TSHZ2: variants seen among roughly 807,000 people sequenced by gnomAD.
The protein encoded by TSHZ2 is teashirt homolog 2.
A neutral mutation model predicts 74.4 loss-of-function variants in TSHZ2; 21 were observed. The ratio of observed to expected loss-of-function variants is 0.28; its 90% CI spans 0.20 to 0.41. The LOEUF (loss-of-function observed/expected upper bound fraction) is 0.41, where lower values mean the gene tolerates loss of function less well. Among genes scored for constraint, TSHZ2 ranks in the 10% least tolerant of loss-of-function variants. The pLI is 1.00. For missense variants in TSHZ2, 1,244 were observed against 1,293.5 expected (o/e 0.96, Z 0.59); for synonymous variants, 540 against 515.3 (o/e 1.05, Z -0.65).
chr20:53,342,909 G>A (rs1385764459), intron 2 of TSHZ2, among the ~76,000 whole-genome samples: 1 of 150,652 alleles, frequency 6.6e-6, no homozygotes, highest in Non-Finnish European at 1.5e-5. Flanking sequence ...CCGTAGGTCT[G>A]GGATGAGGCC....
chr20:53,229,968 G>C (rs1029868450), intron 1 of TSHZ2, among the ~76,000 whole-genome samples: 1 of 146,186 alleles, frequency 6.8e-6, no homozygotes, highest in Non-Finnish European at 1.5e-5. Context: ...GAAAGAAGAA[G>C]GAAGAGAAAG....
intron 1 of TSHZ2, among the ~76,000 whole-genome samples, chr20:53,248,916 A>G (rs1600766240): frequency 6.6e-6 from 1 of 152,200 alleles, no homozygotes; most frequent in African/African-American, 2.4e-5. Context: ...TCAGCTCATT[A>G]CAACCTCCAT....
intron 1 of TSHZ2, among the ~76,000 whole-genome samples, chr20:53,107,224 TATC>T (rs548508956): frequency 4.6e-5 from 7 of 152,204 alleles, no homozygotes; most frequent in Non-Finnish European, 8.8e-5. Flanking sequence ...GCTTCAAGTC[TATC>T]ATCATGGTTG....
chr20:53,049,756 C>T (rs1037206394), intron 1 of TSHZ2, among the ~76,000 whole-genome samples: 3 of 151,714 alleles, frequency 2.0e-5, no homozygotes, highest in Non-Finnish European at 2.9e-5. Flanking sequence ...AGCACAGTGC[C>T]CTAAGGGGAA....
intron 1 of TSHZ2, among the ~76,000 whole-genome samples, chr20:53,024,006 C>T (rs1983343632): frequency 6.6e-6 from 1 of 152,038 alleles, no homozygotes. Context: ...TAAAAACCAG[C>T]TCCAGGCTAC....
At chr20:53,053,502 T>G (rs962636825) in intron 1 of TSHZ2, among the ~76,000 whole-genome samples, 1 of 152,114 alleles carries the variant, frequency 6.6e-6, no homozygotes, top group African/African-American at 2.4e-5. Context: ...CACCATCTTA[T>G]TCCCTCCAAA....
intron 2 of TSHZ2, among the ~76,000 whole-genome samples, chr20:53,292,447 ATTT>A (rs149635565): frequency 0.051 from 7,143 of 141,320 alleles, 257 homozygotes; most frequent in African/African-American, 0.1. Flanking sequence ...CAAACCACCT[ATTT>A]TTTTTTTTTT....
intron 1 of TSHZ2, chr20:53,198,307 T>C (rs1988921455): frequency 6.6e-6 from 1 of 152,258 alleles, no homozygotes; most frequent in African/African-American, 2.4e-5. Flanking sequence ...GCCTTCATTT[T>C]CTAAGGTTAG....
chr20:53,181,758 G>T (rs766223973), intron 1 of TSHZ2, among the ~76,000 whole-genome samples: 1 of 152,090 alleles, frequency 6.6e-6, no homozygotes, highest in Non-Finnish European at 1.5e-5. Context: ...CGTGGTGGTG[G>T]GCGCCTGTAG....
At chr20:53,275,150 A>G (rs1990917470) in intron 2 of TSHZ2, among the ~76,000 whole-genome samples, 1 of 152,144 alleles carries the variant, frequency 6.6e-6, no homozygotes, top group Non-Finnish European at 1.5e-5. Flanking sequence ...ACAAGTGCAA[A>G]TGAACTGGAA....
At chr20:53,245,442 T>C (rs2123703312) in intron 1 of TSHZ2, among the ~76,000 whole-genome samples, 1 of 152,354 alleles carries the variant, frequency 6.6e-6, no homozygotes, top group African/African-American at 2.4e-5. Context: ...TCTTGGTCTC[T>C]GGAGAGGACA....
At chr20:53,382,397 G>T (rs535328750) in intron 2 of TSHZ2, among the ~76,000 whole-genome samples, 1 of 152,236 alleles carries the variant, frequency 6.6e-6, no homozygotes, top group South Asian at 2.1e-4. Flanking sequence ...TCAGGTTCAG[G>T]CTCCTCCGTG....
At chr20:53,190,253 C>T (rs1444732092) in intron 1 of TSHZ2, among the ~76,000 whole-genome samples, 2 of 150,304 alleles carry the variant, frequency 1.3e-5, no homozygotes. Context: ...GAATAGATTA[C>T]CAGGCAAGCT....
In TSHZ2 at chr20:53,369,090, C is replaced by T. The variant is rs780992667; in HGVS notation, c.*8+112519C>T. The stretch of plus-strand genomic sequence containing the variant: ...CAGCCTGGGCAACATGGCGAAACCC[C>T]GTCTCTACAAAATGAAATACAAACA... On this transcript the variant is annotated intron_variant, in intron 2 of 2. Coordinates refer to ENST00000371497, the MANE Select transcript of TSHZ2 (RefSeq NM_173485.6). Among the ~76,000 whole-genome samples, 11 of 152,132 alleles carry T rather than the reference C, an allele frequency of 7.2e-5. No individual in the cohort carries two copies. In the South Asian group the frequency reaches 8.3e-4, roughly 11 times the overall value.
chr20:53,088,944 T>C (rs1419665237), intron 1 of TSHZ2, among the ~76,000 whole-genome samples: 1 of 152,134 alleles, frequency 6.6e-6, no homozygotes, highest in Non-Finnish European at 1.5e-5. Flanking sequence ...AATTAGGTTG[T>C]TCTGCATTCT....
intron 1 of TSHZ2, among the ~76,000 whole-genome samples, chr20:53,048,627 C>T (rs1469366574): frequency 6.6e-6 from 1 of 152,222 alleles, no homozygotes; most frequent in Admixed American, 6.5e-5. Flanking sequence ...CGGATGACCT[C>T]AGACCCTCTC....
chr20:52,976,153 A>C (rs1462289252), intron 1 of TSHZ2, among the ~76,000 whole-genome samples: 2 of 152,242 alleles, frequency 1.3e-5, no homozygotes, highest in African/African-American at 4.8e-5. Context: ...CTACTAAAGC[A>C]GGTATCTAAA....
At chr20:53,381,973 T>C (rs932971653) in intron 2 of TSHZ2, among the ~76,000 whole-genome samples, 5 of 152,176 alleles carry the variant, frequency 3.3e-5, no homozygotes, top group Admixed American at 3.3e-4. Flanking sequence ...ACAAGGAAAA[T>C]GTTGGCTGTT....
chr20:53,030,277 G>A (rs922373936), intron 1 of TSHZ2, among the ~76,000 whole-genome samples: 3 of 151,296 alleles, frequency 2.0e-5, no homozygotes, highest in Admixed American at 1.3e-4. Context: ...TTTTGCTGAA[G>A]ATGTGTATGT....
Sources: gnomAD v4.1 joint callset for allele counts (sites outside exome capture counted in the v4.1 genomes callset) on GRCh38, gnomAD v4.1.1 for gene constraint, MANE v1.5 for transcripts, NCBI Gene and HGNC (gene_info 2026-07-23, HGNC 2026-07-21) for gene names.